Variants in SOX5 observed in about 807,000 individuals in gnomAD.
The protein encoded by SOX5 is SRY-box transcription factor 5.
Under a neutral mutation model 92.0 loss-of-function variants are expected in SOX5, and 9 were observed. That is an observed-to-expected ratio of 0.10 (90% CI 0.06 to 0.17). The LOEUF is 0.17. SOX5 is among the 10% of genes least tolerant of loss of function. The pLI is 1.00. For missense variants in SOX5, 642 were observed against 944.5 expected, an observed-to-expected ratio of 0.68 and a Z score of 4.20; for synonymous variants, 344 against 336.3, an observed-to-expected ratio of 1.02 and a Z score of -0.25.
chr12:24,199,886 A>G (rs1006422679), intron 4 of SOX5, among the ~76,000 whole-genome samples: 11 of 152,214 alleles, frequency 7.2e-5, no homozygotes, highest in African/African-American at 2.4e-4. Context: ...GTGTGCATAC[A>G]TTTATTCTGA....
chr12:23,978,010 T>A (rs1358292839), intron 4 of SOX5, among the ~76,000 whole-genome samples: 3 of 152,240 alleles, frequency 2.0e-5, no homozygotes, highest in African/African-American at 7.2e-5. Flanking sequence ...TTGGGACAGC[T>A]TGCACACTGT....
intron 6 of SOX5, among the ~76,000 whole-genome samples, chr12:23,700,558 A>T (rs1439711694): frequency 6.6e-6 from 1 of 152,004 alleles, no homozygotes; most frequent in African/African-American, 2.4e-5. Flanking sequence ...GGGTATGGGA[A>T]GCAAAAGCTG....
intron 1 of SOX5, among the ~76,000 whole-genome samples, chr12:24,548,956 T>A (rs1240295968): frequency 1.3e-5 from 2 of 152,176 alleles, no homozygotes; most frequent in South Asian, 2.1e-4. Flanking sequence ...CTGATCCCAA[T>A]CTCTCTCTAC....
chr12:24,391,428 C>A (rs751432235), intron 1 of SOX5, among the ~76,000 whole-genome samples: 1 of 152,100 alleles, frequency 6.6e-6, no homozygotes, highest in Non-Finnish European at 1.5e-5. Flanking sequence ...GGAGATCAAA[C>A]TTTTACTTTC....
intron 9 of SOX5, among the ~76,000 whole-genome samples, chr12:23,586,437 T>A (rs1256436125): frequency 1.3e-5 from 2 of 152,088 alleles, no homozygotes; most frequent in African/African-American, 4.8e-5. Flanking sequence ...ATAAATATCA[T>A]TATGATTAAT....
chr12:24,360,963 G>A (rs1449787361), intron 2 of SOX5, among the ~76,000 whole-genome samples: 1 of 152,112 alleles, frequency 6.6e-6, no homozygotes, highest in African/African-American at 2.4e-5. Context: ...CTTCTTGATG[G>A]TAGCTACCCA....
chr12:23,860,837 A>G (rs2096746486), intron 2 of SOX5, among the ~76,000 whole-genome samples: 1 of 152,052 alleles, frequency 6.6e-6, no homozygotes, highest in African/African-American at 2.4e-5. Flanking sequence ...TATGCCTAAA[A>G]ATGGCAGTTA....
chr12:23,898,881 A>G (rs1211559382), intron 1 of SOX5, among the ~76,000 whole-genome samples: 1 of 152,214 alleles, frequency 6.6e-6, no homozygotes, highest in Non-Finnish European at 1.5e-5. Context: ...TTAAATCGTT[A>G]TAATAAAAGC....
At chr12:24,152,891 A>G (rs185672661) in intron 4 of SOX5, among the ~76,000 whole-genome samples, 1 of 152,298 alleles carries the variant, frequency 6.6e-6, no homozygotes, top group East Asian at 1.9e-4. Context: ...TAGAGTTAAA[A>G]TAATGTTTCC....
chr12:23,900,587 G>A (rs1450338915), intron 1 of SOX5, among the ~76,000 whole-genome samples: 1 of 152,134 alleles, frequency 6.6e-6, no homozygotes, highest in Non-Finnish European at 1.5e-5. Context: ...GATGTTATTG[G>A]TTCTGGAGGG....
At chr12:23,847,010 T>C (rs937777222) in intron 2 of SOX5, among the ~76,000 whole-genome samples, 3 of 152,180 alleles carry the variant, frequency 2.0e-5, no homozygotes, top group African/African-American at 7.2e-5. Context: ...TAGTCTATTG[T>C]CATTTTCTCA....
At chr12:24,130,588 C>T (rs1448581189) in intron 4 of SOX5, among the ~76,000 whole-genome samples, 1 of 152,040 alleles carries the variant, frequency 6.6e-6, no homozygotes, top group Non-Finnish European at 1.5e-5. Flanking sequence ...AAAACAAGAG[C>T]CTCCTTCCCT....
chr12:23,838,483 A>C (rs991253624), intron 3 of SOX5, among the ~76,000 whole-genome samples: 1 of 151,950 alleles, frequency 6.6e-6, no homozygotes, highest in South Asian at 2.1e-4. Context: ...ACATCAATGC[A>C]TCTTAGTGGT....
At chr12:24,309,213 C>T (rs920600474) in intron 2 of SOX5, among the ~76,000 whole-genome samples, 1 of 152,120 alleles carries the variant, frequency 6.6e-6, no homozygotes. Context: ...TAGAAACAAC[C>T]GGCTTTTCAG....
At chr12:24,528,655 C>T (rs573779682) in intron 1 of SOX5, among the ~76,000 whole-genome samples, 58 of 152,296 alleles carry the variant, frequency 3.8e-4, no homozygotes, top group African/African-American at 1.3e-3. Context: ...AGCGCAGAAT[C>T]GAGTCCAGCA....
intron 1 of SOX5, among the ~76,000 whole-genome samples, chr12:24,483,734 C>T (rs1946236313): frequency 6.6e-6 from 1 of 152,214 alleles, no homozygotes; most frequent in Admixed American, 6.5e-5. Flanking sequence ...AATAATTTGG[C>T]TCCAATGAGC....
chr12:23,725,374 G>A (rs1173358875), intron 6 of SOX5, among the ~76,000 whole-genome samples: 1 of 152,166 alleles, frequency 6.6e-6, no homozygotes. Flanking sequence ...TTACATGGCA[G>A]CAGGCAACAG....
rs568171455 is a variant in SOX5 at position 23,592,825 on chromosome 12, T to A, written c.1164+11562A>T. 5.3e-3 allele frequency among the ~76,000 whole-genome samples: 811 copies of A among 152,314 alleles called. 6 individuals carry two copies. Among genetic ancestry groups the A allele is most frequent in the African/African-American group, 0.018 (758 of 41,568 alleles). ...TGGGCGCGGTGGCTCATGCCTGTAA[T>A]CCCAGCACTTTGGGAAGCTGAGGCG... is the stretch of plus-strand genomic sequence containing the variant. On this transcript the variant is annotated intron_variant, in intron 9 of 14. Coordinates refer to ENST00000451604, the MANE Select transcript of SOX5 (RefSeq NM_006940.6).
chr12:24,000,798 G>A (rs1030076530), intron 4 of SOX5, among the ~76,000 whole-genome samples: 2 of 152,074 alleles, frequency 1.3e-5, no homozygotes, highest in African/African-American at 4.8e-5. Context: ...ATTATATGCT[G>A]ACTGTAAGAA....
Sources: gnomAD v4.1 joint callset for allele counts (sites outside exome capture counted in the v4.1 genomes callset) on GRCh38, gnomAD v4.1.1 for gene constraint, MANE v1.5 for transcripts, NCBI Gene and HGNC (gene_info 2026-07-23, HGNC 2026-07-21) for gene names.